STARD13: variants seen among roughly 807,000 people sequenced by gnomAD.
The protein encoded by STARD13 is stAR-related lipid transfer protein 13.
Under a neutral mutation model 106.4 loss-of-function variants are expected in STARD13, and 62 were observed. The ratio of observed to expected loss-of-function variants is 0.58; its 90% CI spans 0.48 to 0.72. The LOEUF (loss-of-function observed/expected upper bound fraction) is 0.72. STARD13 is among the 30% of genes least tolerant of loss of function. The pLI is 0.00. For synonymous variants in STARD13, 565 were observed against 553.0 expected (o/e 1.02, Z -0.31); for missense variants, 1,387 against 1,424.0 (o/e 0.97, Z 0.42).
At chr13:33,592,182 T>C in the STARD13 span, among the ~76,000 whole-genome samples, 3 of 152,230 alleles carry the variant, frequency 2.0e-5, no homozygotes, top group African/African-American at 7.2e-5. Context: ...TTGCTTTACG[T>C]TGGCATTGAG....
chr13:33,448,802 C>G, the STARD13 span, among the ~76,000 whole-genome samples: 1 of 152,038 alleles, frequency 6.6e-6, no homozygotes, highest in East Asian at 1.9e-4. Flanking sequence ...GTCATTCTAA[C>G]CAGAATGAAG....
chr13:33,174,257 C>A (rs1594039157), intron 1 of STARD13, among the ~76,000 whole-genome samples: 1 of 151,920 alleles, frequency 6.6e-6, no homozygotes, highest in African/African-American at 2.4e-5. Context: ...TTTTAATTAG[C>A]CTTAAATATA....
At chr13:33,143,357 A>G (rs76456992) in intron 3 of STARD13, among the ~76,000 whole-genome samples, 4,910 of 152,070 alleles carry the variant, frequency 0.032, 274 homozygotes, top group African/African-American at 0.11. Flanking sequence ...CTTCTTGGTC[A>G]TTGTGTAAGT....
chr13:33,236,641 G>T (rs1889203838), intron 1 of STARD13, among the ~76,000 whole-genome samples: 1 of 152,164 alleles, frequency 6.6e-6, no homozygotes, highest in African/African-American at 2.4e-5. Context: ...GCATCTATGT[G>T]GATACAGGGG....
the STARD13 span, among the ~76,000 whole-genome samples, chr13:33,533,539 C>A: frequency 6.6e-6 from 1 of 151,416 alleles, no homozygotes. Flanking sequence ...TTTGAAGGAA[C>A]AACAGAAAGA....
chr13:33,621,728 A>T, the STARD13 span, among the ~76,000 whole-genome samples: 1 of 151,194 alleles, frequency 6.6e-6, no homozygotes, highest in African/African-American at 2.4e-5. Flanking sequence ...GCTTATATAT[A>T]TTAAAAGAAT....
intron 1 of STARD13, among the ~76,000 whole-genome samples, chr13:33,269,002 A>G (rs1229301882): frequency 6.6e-6 from 1 of 152,182 alleles, no homozygotes; most frequent in Non-Finnish European, 1.5e-5. Flanking sequence ...GTTGGAGCAA[A>G]AAGTTTTGAC....
chr13:33,309,145 A>G (rs1353110068), intron 1 of STARD13, among the ~76,000 whole-genome samples: 1 of 152,168 alleles, frequency 6.6e-6, no homozygotes, highest in Non-Finnish European at 1.5e-5. Flanking sequence ...AATTCCAATA[A>G]CTCAATACAT....
chr13:33,392,016 G>A, the STARD13 span, among the ~76,000 whole-genome samples: 7 of 152,108 alleles, frequency 4.6e-5, no homozygotes, highest in South Asian at 2.1e-4. Context: ...ATTCTGTGGC[G>A]TAAATTCTTC....
At chr13:33,354,468 T>C (rs927788297), upstream of STARD13, among the ~76,000 whole-genome samples, 6 of 152,216 alleles carry the variant, frequency 3.9e-5, no homozygotes, top group African/African-American at 1.4e-4. Flanking sequence ...GGAGCACTTA[T>C]CAAAGAGCCA....
intron 1 of STARD13, among the ~76,000 whole-genome samples, chr13:33,304,596 A>G (rs1892837559): frequency 6.6e-6 from 1 of 152,188 alleles, no homozygotes; most frequent in Admixed American, 6.5e-5. Flanking sequence ...TTAATGCATG[A>G]GTTTTAAAAA....
chr13:33,508,108 C>A, the STARD13 span, among the ~76,000 whole-genome samples: 1 of 152,270 alleles, frequency 6.6e-6, no homozygotes, highest in African/African-American at 2.4e-5. Context: ...GTAGGGAATA[C>A]AGGCTTTTTG....
chr13:33,113,668 G>A (rs771700657), intron 8 of STARD13: 4 of 456,940 alleles, frequency 8.8e-6, no homozygotes, highest in Non-Finnish European at 1.3e-5. Context: ...GCTTGGAGAA[G>A]AAGAACCAGG....
chr13:33,591,983 C>T, the STARD13 span, among the ~76,000 whole-genome samples: 4 of 152,008 alleles, frequency 2.6e-5, no homozygotes, highest in Admixed American at 1.3e-4. Flanking sequence ...CTTGTATGCC[C>T]GCAGCACTAA....
chr13:33,639,770 G>C, the STARD13 span, among the ~76,000 whole-genome samples: 1 of 152,214 alleles, frequency 6.6e-6, no homozygotes, highest in African/African-American at 2.4e-5. Context: ...AATCAACCCA[G>C]CTGTTCTGTA....
intron 8 of STARD13, among the ~76,000 whole-genome samples, chr13:33,116,662 A>C (rs1566536056): frequency 6.6e-6 from 1 of 152,256 alleles, no homozygotes; most frequent in Non-Finnish European, 1.5e-5. Context: ...TAAAAGACTC[A>C]TATCTGATAC....
At chr13:33,408,259 G>A in the STARD13 span, among the ~76,000 whole-genome samples, 2 of 152,030 alleles carry the variant, frequency 1.3e-5, no homozygotes, top group African/African-American at 4.8e-5. Context: ...CTCCAGAAAT[G>A]GTTCATTTTC....
At chr13:33,113,071 A>G in intron 8 of STARD13, 140 bp from the exon 9 acceptor site, 1 of 607,052 alleles carries the variant, frequency 1.6e-6, no homozygotes. Context: ...ACAGCAGGAA[A>G]GGCACAAAGA....
chr13:33,592,573 A>G, the STARD13 span, among the ~76,000 whole-genome samples: 1 of 152,204 alleles, frequency 6.6e-6, no homozygotes, highest in African/African-American at 2.4e-5. Context: ...AGTCTTACAC[A>G]ATGAGGAATG....
Sources: gnomAD v4.1 joint callset for allele counts (sites outside exome capture counted in the v4.1 genomes callset) on GRCh38, gnomAD v4.1.1 for gene constraint, MANE v1.5 for transcripts, NCBI Gene and HGNC (gene_info 2026-07-23, HGNC 2026-07-21) for gene names.